The following RCAN1 variants were observed in gnomAD, a reference collection of about 807,000 sequenced individuals.
RCAN1 encodes the protein calcipressin-1.
A neutral mutation model predicts 22.9 loss-of-function variants in RCAN1; 11 were observed. The observed-to-expected ratio is 0.48, with a 90% CI of 0.30 to 0.79. The LOEUF (loss-of-function observed/expected upper bound fraction) is 0.79. Among genes scored for constraint, RCAN1 ranks in the 30% least tolerant of loss-of-function variants. RCAN1 has a pLI of 0.06. For missense variants in RCAN1, 291 were observed against 337.8 expected, an observed-to-expected ratio of 0.86 and a Z score of 1.09; for synonymous variants, 136 against 142.3, an observed-to-expected ratio of 0.96 and a Z score of 0.32.
chr21:34,570,343 CA>C (rs1987190848), intron 1 of RCAN1, among the ~76,000 whole-genome samples: 1 of 152,154 alleles, frequency 6.6e-6, no homozygotes. Context: ...CAAGGATTCT[CA>C]AAAAGACTAG....
At chr21:34,613,132 G>A (rs1183439066) in intron 1 of RCAN1, among the ~76,000 whole-genome samples, 2 of 152,160 alleles carry the variant, frequency 1.3e-5, no homozygotes, top group Non-Finnish European at 2.9e-5. Flanking sequence ...AAGCCTGAAT[G>A]AACCAATGCT....
chr21:34,558,858 A>G (rs73208716), intron 1 of RCAN1, among the ~76,000 whole-genome samples: 39 of 152,274 alleles, frequency 2.6e-4, no homozygotes, highest in East Asian at 7.7e-4. Context: ...CAATGCTCCA[A>G]TGGAATTCAG....
chr21:34,591,982 T>C (rs186765936), intron 1 of RCAN1, among the ~76,000 whole-genome samples: 173 of 152,318 alleles, frequency 1.1e-3, no homozygotes, highest in African/African-American at 4.0e-3. Flanking sequence ...GCAGTTCAAT[T>C]TGTCAGTCAT....
intron 1 of RCAN1, among the ~76,000 whole-genome samples, chr21:34,533,707 G>A (rs1985536906): frequency 6.6e-6 from 1 of 152,230 alleles, no homozygotes; most frequent in Admixed American, 6.5e-5. Flanking sequence ...AGACAGCCTT[G>A]AGTGTGGGCA....
At chr21:34,601,209 C>T (rs912342280) in intron 1 of RCAN1, among the ~76,000 whole-genome samples, 4 of 152,226 alleles carry the variant, frequency 2.6e-5, no homozygotes, top group Non-Finnish European at 5.9e-5. Context: ...AATGTAGACA[C>T]TGTAATTTCT....
At chr21:34,601,607 A>G (rs544994908) in intron 1 of RCAN1, among the ~76,000 whole-genome samples, 27 of 152,186 alleles carry the variant, frequency 1.8e-4, no homozygotes, top group Non-Finnish European at 2.8e-4. Context: ...TCACGAGGTC[A>G]GGAGATCGAG....
intron 1 of RCAN1, chr21:34,524,152 G>A (rs4817673): frequency 6.4e-6 from 1 of 155,224 alleles, no homozygotes; most frequent in Admixed American, 6.3e-5. Context: ...TTAGAGAAAA[G>A]CCTTTCCCCT....
At chr21:34,601,702 C>T (rs960117611) in intron 1 of RCAN1, among the ~76,000 whole-genome samples, 2 of 151,638 alleles carry the variant, frequency 1.3e-5, no homozygotes, top group Non-Finnish European at 2.9e-5. Flanking sequence ...CCTGTAGTCC[C>T]AGCTACTTGG....
chr21:34,560,455 A>T (rs1346701361), intron 1 of RCAN1, among the ~76,000 whole-genome samples: 1 of 152,228 alleles, frequency 6.6e-6, no homozygotes, highest in Non-Finnish European at 1.5e-5. Flanking sequence ...TAAGAATAAA[A>T]ATCAAGGAGA....
chr21:34,557,218 A>C (rs1004859772), intron 1 of RCAN1, among the ~76,000 whole-genome samples: 1 of 152,214 alleles, frequency 6.6e-6, no homozygotes, highest in Non-Finnish European at 1.5e-5. Context: ...GTTTCGAAAA[A>C]TAAAATAAAA....
intron 1 of RCAN1, among the ~76,000 whole-genome samples, chr21:34,586,752 T>C (rs895621383): frequency 2.0e-5 from 3 of 152,170 alleles, no homozygotes; most frequent in South Asian, 4.1e-4. Context: ...CAGGAGTTCA[T>C]GACCAGCCTG....
chr21:34,546,313 G>A (rs2834521), intron 1 of RCAN1, among the ~76,000 whole-genome samples: 36,650 of 151,414 alleles, frequency 0.24, 5,151 homozygotes, highest in African/African-American at 0.39. Flanking sequence ...AGAAGAAAAT[G>A]ACATTAAAAT....
chr21:34,521,878 C>G, intron 2 of RCAN1: 1 of 543,064 alleles, frequency 1.8e-6, no homozygotes, highest in Non-Finnish European at 3.3e-6. Flanking sequence ...CCTCCCAGGG[C>G]TATGGGAGTC....
intron 2 of RCAN1, 58 bp from the exon 3 acceptor site, chr21:34,521,716 A>AACAGCACCT (rs1984573440): frequency 7.0e-7 from 1 of 1,426,484 alleles, no homozygotes; most frequent in South Asian, 1.3e-5. Flanking sequence ...GCAGTGAGGC[A>AACAGCACCT]ACAGCACCTA....
chr21:34,577,378 C>T (rs1987444975), intron 1 of RCAN1, among the ~76,000 whole-genome samples: 2 of 151,954 alleles, frequency 1.3e-5, no homozygotes, highest in African/African-American at 4.8e-5. Context: ...TGGGTGGATC[C>T]TTTGAGCCCA....
intron 3 of RCAN1, chr21:34,521,105 T>C: frequency 7.9e-7 from 1 of 1,267,454 alleles, no homozygotes. Context: ...TGATTAAAAA[T>C]AACATTTCTT....
intron 1 of RCAN1, among the ~76,000 whole-genome samples, chr21:34,589,256 A>C (rs906185697): frequency 7.8e-5 from 11 of 140,682 alleles, no homozygotes; most frequent in African/African-American, 2.8e-4. Flanking sequence ...AAGGATCAAG[A>C]AGAACATATT....
intron 1 of RCAN1, among the ~76,000 whole-genome samples, chr21:34,541,303 T>G (rs1985901425): frequency 6.6e-6 from 1 of 152,068 alleles, no homozygotes; most frequent in Non-Finnish European, 1.5e-5. Flanking sequence ...GAGAATAGGG[T>G]TAGGCTTTAA....
intron 1 of RCAN1, chr21:34,524,992 T>C: frequency 6.6e-7 from 1 of 1,512,748 alleles, no homozygotes; most frequent in African/African-American, 1.4e-5. Context: ...GGACAGTTTG[T>C]GGGAGCCCGT....
Sources: allele counts gnomAD v4.1 joint callset (sites outside exome capture counted in the v4.1 genomes callset), GRCh38; gene constraint gnomAD v4.1.1; transcripts MANE v1.5; gene names NCBI Gene and HGNC (gene_info 2026-07-23, HGNC 2026-07-21).